MECOM: variants seen among roughly 807,000 people sequenced by gnomAD.
The protein encoded by MECOM is histone-lysine N-methyltransferase MECOM.
A neutral mutation model predicts 116.3 loss-of-function variants in MECOM; 13 were observed. That is an observed-to-expected ratio of 0.11 (90% CI 0.07 to 0.18). MECOM has a LOEUF of 0.18. Among genes scored for constraint, MECOM ranks in the 10% least tolerant of loss-of-function variants. The pLI, the probability that MECOM is intolerant of heterozygous loss-of-function variation, is 1.00. For missense variants in MECOM, 1,299 were observed against 1,509.0 expected (o/e 0.86, Z 2.31); for synonymous variants, 528 against 535.2 (o/e 0.99, Z 0.19).
chr3:169,579,860 T>C (rs1299816914), intron 1 of MECOM, among the ~76,000 whole-genome samples: 1 of 152,220 alleles, frequency 6.6e-6, no homozygotes, highest in Non-Finnish European at 1.5e-5. Flanking sequence ...AAGAATGCCA[T>C]GCAACATTTG....
In MECOM at chr3:169,495,369, ATTAAT is replaced by A. The variant is rs536915385; in HGVS notation, c.38-113850_38-113846del. ...CAGAAAGTTTCACCACAAATATGATATTAATTTAAGTTTTTATTCTTTGATAATTA... is the reference window on the plus strand; with the variant it reads ...CAGAAAGTTTCACCACAAATATGATATTAAGTTTTTATTCTTTGATAATTA... On this transcript the variant is annotated intron_variant, in intron 1 of 16. Transcript: ENST00000651503. Among the ~76,000 whole-genome samples the A allele has an allele frequency of 2.7e-3, 409 of 152,316 alleles. 3 individuals are homozygous for A. Among genetic ancestry groups the A allele is most frequent in the Non-Finnish European group, 4.1e-3 (280 of 68,024 alleles).
Position 169,656,627 on chromosome 3 carries a change from G to A in MECOM, c.37+6709C>T, listed in dbSNP as rs115240669. Reference sequence around the variant, plus strand: ...TATTTTTGAAAATGAAAATGACTGAGGTCATTGTAATCTATTTTAGGGTTT... The same window carrying A: ...TATTTTTGAAAATGAAAATGACTGAAGTCATTGTAATCTATTTTAGGGTTT... On this transcript the variant is annotated intron_variant, in intron 1 of 16. Coordinates refer to ENST00000651503, the MANE Select transcript of MECOM (RefSeq NM_004991.4). 5.6e-3 allele frequency among the ~76,000 whole-genome samples: 860 copies of A among 152,216 alleles called. 7 individuals carry two copies. Among genetic ancestry groups the A allele is most frequent in the African/African-American group, 0.02 (815 of 41,560 alleles).
chr3:169,491,273 T>C (rs568672122), intron 1 of MECOM, among the ~76,000 whole-genome samples: 3 of 152,294 alleles, frequency 2.0e-5, no homozygotes, highest in African/African-American at 7.2e-5. Context: ...CCAGAGACGA[T>C]TGCTGACCAA....
At chr3:169,142,080 C>T (rs1738271734) in intron 3 of MECOM, among the ~76,000 whole-genome samples, 1 of 151,784 alleles carries the variant, frequency 6.6e-6, no homozygotes, top group African/African-American at 2.4e-5. Context: ...AATGAGTAGC[C>T]TAATTCATAG....
chr3:169,134,853 A>G (rs1032386312), intron 3 of MECOM, among the ~76,000 whole-genome samples: 1 of 152,190 alleles, frequency 6.6e-6, no homozygotes, highest in African/African-American at 2.4e-5. Flanking sequence ...TGAAAACAAA[A>G]TGAAAATTTG....
intron 1 of MECOM, among the ~76,000 whole-genome samples, chr3:169,602,759 T>A (rs1767976869): frequency 1.3e-5 from 2 of 152,176 alleles, no homozygotes; most frequent in Non-Finnish European, 2.9e-5. Flanking sequence ...ATAGGGAGTT[T>A]CCAGACCCCA....
At chr3:169,135,626 G>T (rs1426564957) in intron 3 of MECOM, among the ~76,000 whole-genome samples, 1 of 151,910 alleles carries the variant, frequency 6.6e-6, no homozygotes, top group African/African-American at 2.4e-5. Flanking sequence ...AACATGTTAT[G>T]AACTAACCTA....
intron 1 of MECOM, among the ~76,000 whole-genome samples, chr3:169,646,623 C>A (rs952282827): frequency 6.6e-6 from 1 of 151,360 alleles, no homozygotes; most frequent in African/African-American, 2.4e-5. Context: ...GATAAGTGAA[C>A]GAGACTTGGT....
chr3:169,633,916 A>C (rs1162086956), intron 1 of MECOM, among the ~76,000 whole-genome samples: 1 of 131,706 alleles, frequency 7.6e-6, no homozygotes, highest in Non-Finnish European at 1.7e-5. Context: ...AAAAAAAAAA[A>C]AACAAAAAAC....
In MECOM at chr3:169,131,430, G is replaced by C; in HGVS notation, c.612C>G (p.His204Gln). The C allele has an allele frequency of 6.2e-7, 1 of 1,613,500 alleles. No homozygotes were observed. The highest frequency in any genetic ancestry group is 8.5e-7 in the Non-Finnish European group (1 of 1,179,474). ...GAGGGTGGCGTGAGTGGTACTAACC[G>C]TGGATATCCGGCGCCATAGTTTCAT... The part of the protein sequence containing the change: ...YPHETMAPDI[H>Q]EERQYRCEDC... The change falls in exon 4 of 17, where the codon CAC (histidine) becomes CAG (glutamine). Residue 204 changes from histidine to glutamine, a missense_variant and splice_region_variant. His to Gln is a conservative substitution (Grantham distance 24). Coordinates refer to ENST00000651503, the MANE Select transcript of MECOM (RefSeq NM_004991.4).
chr3:169,388,089 C>T (rs1321277781), intron 1 of MECOM, among the ~76,000 whole-genome samples: 2 of 151,952 alleles, frequency 1.3e-5, no homozygotes, highest in East Asian at 3.9e-4. Context: ...GATGTGTGCC[C>T]TGCTCTAGGA....
intron 2 of MECOM, chr3:169,146,641 G>A: frequency 7.3e-7 from 1 of 1,363,782 alleles, no homozygotes; most frequent in Non-Finnish European, 9.7e-7. Context: ...TAGAAACGGT[G>A]CCCCGGCAGG....
At chr3:169,336,970 C>G (rs572238491) in intron 2 of MECOM, among the ~76,000 whole-genome samples, 1 of 152,064 alleles carries the variant, frequency 6.6e-6, no homozygotes, top group Non-Finnish European at 1.5e-5. Context: ...ATGCAAGATA[C>G]TCTGCAAGTG....
At chr3:169,271,684 C>T (rs537672148) in intron 2 of MECOM, among the ~76,000 whole-genome samples, 1 of 152,078 alleles carries the variant, frequency 6.6e-6, no homozygotes, top group East Asian at 1.9e-4. Flanking sequence ...GTGCAGGAAA[C>T]CAACATGGCA....
chr3:169,502,868 A>G (rs1460741598), intron 1 of MECOM, among the ~76,000 whole-genome samples: 2 of 152,194 alleles, frequency 1.3e-5, no homozygotes, highest in Admixed American at 6.5e-5. Context: ...AACATATTAA[A>G]CCATATGCTT....
At chr3:169,358,884 C>G (rs372503035) in intron 2 of MECOM, among the ~76,000 whole-genome samples, 1 of 151,756 alleles carries the variant, frequency 6.6e-6, no homozygotes, top group Non-Finnish European at 1.5e-5. Flanking sequence ...GAAATACTAT[C>G]TCATTTATGC....
chr3:169,116,862 C>T, intron 7 of MECOM, 123 bp from the exon 8 acceptor site: 1 of 1,232,068 alleles, frequency 8.1e-7, no homozygotes, highest in Non-Finnish European at 1.1e-6. Flanking sequence ...TTGGAGGCAC[C>T]AATCTGGGTG....
Position 169,102,394 on chromosome 3 carries a change from T to C in MECOM, c.2605-168A>G, listed in dbSNP as rs552692605. On this transcript the variant is annotated intron_variant, in intron 10 of 16. Transcript: ENST00000651503. ...ATAAACAACAACAGAATTGATTTAT[T>C]TGGGAAATACCATAAGTAGAACCAA... 2.0e-5 allele frequency among the ~76,000 whole-genome samples: 3 copies of C among 152,320 alleles called. No homozygotes were observed. In the South Asian group the frequency reaches 6.2e-4, roughly 32 times the overall value.
chr3:169,442,846 C>A (rs1743960098), intron 1 of MECOM, among the ~76,000 whole-genome samples: 2 of 152,046 alleles, frequency 1.3e-5, no homozygotes, highest in African/African-American at 4.8e-5. Context: ...ACCCTGAATA[C>A]AGAATTGGTC....
Sources: gnomAD v4.1 joint callset for allele counts (sites outside exome capture counted in the v4.1 genomes callset) on GRCh38, gnomAD v4.1.1 for gene constraint, MANE v1.5 for transcripts, NCBI Gene and HGNC (gene_info 2026-07-23, HGNC 2026-07-21) for gene names.